DGKZ: variants seen among roughly 807,000 people sequenced by gnomAD.
The protein encoded by DGKZ is diacylglycerol kinase zeta.
Under a neutral mutation model 142.5 loss-of-function variants are expected in DGKZ, and 45 were observed. The observed-to-expected ratio is 0.32, with a 90% CI of 0.25 to 0.40. DGKZ has a LOEUF of 0.40. Ranked by LOEUF, DGKZ falls within the 10% of genes least tolerant of loss-of-function variation. The pLI, the probability that DGKZ is intolerant of heterozygous loss-of-function variation, is 1.00. For missense variants in DGKZ, 755 were observed against 1,306.5 expected, an observed-to-expected ratio of 0.58 and a Z score of 6.51; for synonymous variants, 442 against 527.0, an observed-to-expected ratio of 0.84 and a Z score of 2.21.
exon 1 of DGKZ, chr11:46,333,201 C>T: frequency 1.7e-6 from 2 of 1,194,994 alleles, no homozygotes; most frequent in Non-Finnish European, 2.1e-6. Context: ...GTCCCCGGCC[C>T]GGGCGGACTG....
At chr11:46,378,587 C>A in intron 27 of DGKZ, 87 bp downstream of exon 27, 1 of 1,552,390 alleles carries the variant, frequency 6.4e-7, no homozygotes, top group Non-Finnish European at 8.9e-7. Context: ...AAGAGCTGAC[C>A]TGCTCAGGTG....
intron 1 of DGKZ, among the ~76,000 whole-genome samples, chr11:46,363,202 G>A (rs1411708469): frequency 6.6e-6 from 1 of 152,232 alleles, no homozygotes; most frequent in East Asian, 1.9e-4. Flanking sequence ...CCCCAGCAGA[G>A]ATAGGAAGTG....
At position 46,367,357 on chromosome 11, in the gene DGKZ, C is replaced by G. The variant is rs774861524; in HGVS notation, c.228C>G (p.Cys76Trp). 11 of 1,613,080 alleles carry G rather than the reference C, an allele frequency of 6.8e-6. No individual in the cohort carries two copies. In the East Asian group the frequency reaches 2.5e-4, roughly 36 times the overall value. Residue 76 changes from cysteine (C) to tryptophan (W), a missense_variant, in exon 2 of 31, where the codon TGC becomes TGG. Transcript: ENST00000527911. The surrounding 1 kb of genome is among the most constrained non-coding windows in gnomAD (Gnocchi z 4.1). ...CTCCGCCCACCCCTGGGGCCCCGTGCAGCGAGTCAGAGCGGCAGATCCGGA... is the reference window on the plus strand; with the variant it reads ...CTCCGCCCACCCCTGGGGCCCCGTGGAGCGAGTCAGAGCGGCAGATCCGGA...
chr11:46,367,644 G>A lies in DGKZ; in HGVS notation c.271-8G>A, dbSNP rs761260710. 2.5e-6 allele frequency: 4 copies of A among 1,592,906 alleles called. No homozygotes were observed. Among genetic ancestry groups the A allele is most frequent in the Non-Finnish European group, 3.4e-6 (4 of 1,166,808 alleles). ...AGCGTGTGCTGAGCAAGCCCATCCC[G>A]TGGCTAGGAGTCAGCGACATATGGG... On this transcript the variant is annotated splice_region_variant and splice_polypyrimidine_tract_variant and intron_variant, in intron 2 of 30. Coordinates refer to ENST00000527911, the Ensembl canonical transcript of DGKZ. This position sits in a 1 kb window ranked among gnomAD's most constrained non-coding sequence, Gnocchi z 4.1.
intron 22 of DGKZ, 86 bp downstream of exon 22, chr11:46,376,231 C>T (rs1172159566): frequency 6.2e-7 from 1 of 1,605,518 alleles, no homozygotes; most frequent in Non-Finnish European, 8.5e-7. Flanking sequence ...CCAGCTCGCC[C>T]TGCGGAGCCT....
At chr11:46,365,959 G>A (rs1590535420) in intron 1 of DGKZ, 9 of 985,338 alleles carry the variant, frequency 9.1e-6, no homozygotes, top group Non-Finnish European at 1.1e-5. Context: ...CCACCTCCCT[G>A]GGACTCCAGG....
chr11:46,342,902 T>C (rs1201325108), upstream of DGKZ, among the ~76,000 whole-genome samples: 1 of 152,126 alleles, frequency 6.6e-6, no homozygotes, highest in East Asian at 1.9e-4. Context: ...GGCGGGCAGA[T>C]CACTTGAGGT....
intron 1 of DGKZ, among the ~76,000 whole-genome samples, chr11:46,340,007 G>A (rs967781120): frequency 2.0e-5 from 3 of 152,214 alleles, no homozygotes; most frequent in Non-Finnish European, 2.9e-5. Context: ...GCTAATCAGA[G>A]ATTGCAGAGT....
chr11:46,365,966 C>G, intron 1 of DGKZ: 1 of 985,328 alleles, frequency 1.0e-6, no homozygotes, highest in Non-Finnish European at 1.2e-6. Context: ...CCTGGGACTC[C>G]AGGGCTCCCT....
At chr11:46,352,135 G>A (rs1339200415) in intron 1 of DGKZ, among the ~76,000 whole-genome samples, 1 of 152,236 alleles carries the variant, frequency 6.6e-6, no homozygotes, top group Non-Finnish European at 1.5e-5. Context: ...GGCCCCCCCG[G>A]GGCAGAGGTG....
chr11:46,379,256 A>G lies in DGKZ; in HGVS notation c.2573+20A>G, dbSNP rs1944933419. ...GGAAAAGTAAGTATCTGGGCAGTGC[A>G]GAACCGTGGTCACCCCGGAAACCAC... On this transcript the variant is annotated intron_variant, in intron 29 of 30. Coordinates refer to ENST00000527911, the Ensembl canonical transcript of DGKZ. 6.2e-7 allele frequency: 1 copy of G among 1,613,138 alleles called. No individual in the cohort carries two copies. Among genetic ancestry groups the G allele is most frequent in the Non-Finnish European group, 8.5e-7 (1 of 1,179,880 alleles).
chr11:46,364,474 G>A, intron 1 of DGKZ: 1 of 1,258,618 alleles, frequency 7.9e-7, no homozygotes, highest in East Asian at 5.6e-5. Context: ...CAGGTGGTCT[G>A]CTTTGAGTGG....
At chr11:46,366,889 C>T in intron 1 of DGKZ, 1 of 1,549,228 alleles carries the variant, frequency 6.5e-7, no homozygotes, top group Non-Finnish European at 8.7e-7. Context: ...CCGCCGGCAC[C>T]ATGCTGCCCA....
chr11:46,360,051 A>C (rs1942468621), intron 1 of DGKZ, among the ~76,000 whole-genome samples: 1 of 152,198 alleles, frequency 6.6e-6, no homozygotes, highest in Non-Finnish European at 1.5e-5. Flanking sequence ...TTGTAACTAC[A>C]TGTCTGTGTG....
rs1490272860 is a variant in DGKZ, at chr11:46,372,044, G to A, written c.832-31G>A. ...GATGGTAGGGTGTCCTGGACGGGAA[G>A]GAGCTTACAGCCTCTCACCTTGTCT... On this transcript the variant is annotated intron_variant, in intron 9 of 30. Coordinates refer to ENST00000527911, the Ensembl canonical transcript of DGKZ. This position sits in a 1 kb window ranked among gnomAD's most constrained non-coding sequence, Gnocchi z 5.9. The A allele has an allele frequency of 6.3e-7, 1 of 1,580,976 alleles. No homozygotes were observed.
intron 1 of DGKZ, among the ~76,000 whole-genome samples, chr11:46,355,183 A>G (rs1941854221): frequency 6.6e-6 from 1 of 152,016 alleles, no homozygotes; most frequent in Admixed American, 6.6e-5. Flanking sequence ...ATCTCGGCTC[A>G]CTGCCAGCTC....
At chr11:46,354,649 CCT>C (rs1441568711) in intron 1 of DGKZ, among the ~76,000 whole-genome samples, 3 of 152,176 alleles carry the variant, frequency 2.0e-5, no homozygotes, top group African/African-American at 7.2e-5. Flanking sequence ...GATGGAGGCC[CCT>C]GTGTCTTACT....
At chr11:46,340,405 T>C (rs926852586) in intron 1 of DGKZ, among the ~76,000 whole-genome samples, 1 of 152,150 alleles carries the variant, frequency 6.6e-6, no homozygotes, top group African/African-American at 2.4e-5. Flanking sequence ...TGGAAACTTT[T>C]GAGCAGATGC....
At chr11:46,366,827 C>G (rs1213153705) in intron 1 of DGKZ, 3 of 1,545,280 alleles carry the variant, frequency 1.9e-6, no homozygotes, top group Non-Finnish European at 1.7e-6. Context: ...CAGCCAGCGG[C>G]GGCCCTCAGG....
Sources: allele counts gnomAD v4.1 joint callset (sites outside exome capture counted in the v4.1 genomes callset), GRCh38; gene constraint gnomAD v4.1.1; non-coding constraint Gnocchi (gnomAD v3.1); transcripts MANE v1.5; gene names NCBI Gene and HGNC (gene_info 2026-07-23, HGNC 2026-07-21).